SEMA5A: variants seen among roughly 807,000 people sequenced by gnomAD.
SEMA5A encodes semaphorin 5A, also known as semaphorin-5A.
In SEMA5A, 55 loss-of-function variants were observed where a neutral mutation model predicts 135.5. The ratio of observed to expected loss-of-function variants is 0.41; its 90% CI spans 0.33 to 0.51. The LOEUF (loss-of-function observed/expected upper bound fraction) is 0.51, where lower values mean the gene tolerates loss of function less well. Ranked by LOEUF, SEMA5A falls within the 20% of genes least tolerant of loss-of-function variation. SEMA5A has a pLI of 0.37. For missense variants in SEMA5A, 1,290 were observed against 1,419.9 expected, an observed-to-expected ratio of 0.91 and a Z score of 1.47; for synonymous variants, 580 against 546.5, an observed-to-expected ratio of 1.06 and a Z score of -0.85.
At chr5:9,077,368 T>G (rs1458668827) in intron 16 of SEMA5A, among the ~76,000 whole-genome samples, 1 of 151,826 alleles carries the variant, frequency 6.6e-6, no homozygotes, top group Admixed American at 6.6e-5. Flanking sequence ...TGGGGAGAGG[T>G]TAATGATTTA....
intron 1 of SEMA5A, among the ~76,000 whole-genome samples, chr5:9,477,522 C>T (rs1043624547): frequency 6.6e-6 from 1 of 152,144 alleles, no homozygotes; most frequent in African/African-American, 2.4e-5. Context: ...GAGGTGCTCT[C>T]AGATGGAGAT....
chr5:9,186,098 C>G (rs1744794530), intron 11 of SEMA5A, among the ~76,000 whole-genome samples: 1 of 152,330 alleles, frequency 6.6e-6, no homozygotes, highest in African/African-American at 2.4e-5. Flanking sequence ...AAATATTCTA[C>G]CATTTCCACT....
intron 3 of SEMA5A, among the ~76,000 whole-genome samples, chr5:9,373,620 T>C (rs1561196877): frequency 6.6e-6 from 1 of 151,786 alleles, no homozygotes; most frequent in Admixed American, 6.6e-5. Flanking sequence ...CATTAAGGAG[T>C]TAAAGATAAA....
At chr5:9,405,247 C>G (rs766268990) in intron 2 of SEMA5A, among the ~76,000 whole-genome samples, 1 of 152,158 alleles carries the variant, frequency 6.6e-6, no homozygotes, top group African/African-American at 2.4e-5. Flanking sequence ...AACAGACTCC[C>G]CAGAGATTCA....
intron 5 of SEMA5A, among the ~76,000 whole-genome samples, 187 bp downstream of exon 5, chr5:9,318,185 C>A (rs1752472436): frequency 1.3e-5 from 2 of 152,174 alleles, no homozygotes. Flanking sequence ...AAAGGCTAAT[C>A]AGGAATTAAG....
intron 18 of SEMA5A, among the ~76,000 whole-genome samples, chr5:9,062,078 T>A (rs188707137): frequency 6.6e-6 from 1 of 152,126 alleles, no homozygotes; most frequent in Non-Finnish European, 1.5e-5. Context: ...GGCTTTTCCA[T>A]CAGGCACAAC....
chr5:9,366,099 G>A (rs895595486), intron 3 of SEMA5A, among the ~76,000 whole-genome samples: 1 of 152,128 alleles, frequency 6.6e-6, no homozygotes, highest in Non-Finnish European at 1.5e-5. Flanking sequence ...GTGAGCTTTC[G>A]GGGTAAGGGT....
At chr5:9,402,722 C>T (rs1372011879) in intron 2 of SEMA5A, among the ~76,000 whole-genome samples, 1 of 152,212 alleles carries the variant, frequency 6.6e-6, no homozygotes, top group Non-Finnish European at 1.5e-5. Flanking sequence ...TCTCATCCTG[C>T]TTTTAATGTT....
At chr5:9,456,742 GA>G (rs926461820) in intron 1 of SEMA5A, among the ~76,000 whole-genome samples, 1 of 152,122 alleles carries the variant, frequency 6.6e-6, no homozygotes, top group Non-Finnish European at 1.5e-5. Context: ...GGCAAGGGGG[GA>G]AAAACAGCAC....
intron 16 of SEMA5A, among the ~76,000 whole-genome samples, chr5:9,092,607 T>C (rs1739095828): frequency 1.3e-5 from 2 of 152,226 alleles, no homozygotes; most frequent in Admixed American, 6.5e-5. Context: ...TTTAAGAATA[T>C]GAACAGGAAA....
intron 16 of SEMA5A, among the ~76,000 whole-genome samples, chr5:9,103,308 C>T (rs775210749): frequency 2.3e-4 from 35 of 152,272 alleles, no homozygotes; most frequent in Non-Finnish European, 4.9e-4. Flanking sequence ...TTTGTAATGC[C>T]TGTCATTATT....
At chr5:9,257,398 C>G (rs1406241795) in intron 5 of SEMA5A, among the ~76,000 whole-genome samples, 1 of 151,834 alleles carries the variant, frequency 6.6e-6, no homozygotes. Flanking sequence ...CACAACTATT[C>G]TAAGTGGAAA....
intron 2 of SEMA5A, among the ~76,000 whole-genome samples, chr5:9,411,142 G>T (rs1209013758): frequency 6.6e-6 from 1 of 152,148 alleles, no homozygotes; most frequent in Non-Finnish European, 1.5e-5. Context: ...CCAGGCAAAA[G>T]AAACAGGGTC....
chr5:9,535,728 G>A (rs1005419284), intron 1 of SEMA5A, among the ~76,000 whole-genome samples: 4 of 151,988 alleles, frequency 2.6e-5, no homozygotes, highest in African/African-American at 9.7e-5. Context: ...AAAAGAGGGG[G>A]GCCTTTAAGA....
At chr5:9,379,689 T>G (rs928425072) in intron 3 of SEMA5A, 134 bp downstream of exon 3, 7 of 1,132,444 alleles carry the variant, frequency 6.2e-6, no homozygotes, top group South Asian at 1.8e-5. Context: ...TAGTTTTACC[T>G]TTATTTTAAA....
At position 9,039,756 on chromosome 5, in the gene SEMA5A, AATTCACTAAGTCCATATC is replaced by A. The variant is rs1270103805; in HGVS notation, c.*3123_*3140del. The A allele has an allele frequency of 1.3e-5, 2 of 152,228 alleles. No homozygotes were observed. Among genetic ancestry groups the A allele is most frequent in the Non-Finnish European group, 2.9e-5 (2 of 68,104 alleles). 9.4% of individuals were successfully genotyped at this position (152,228 alleles called of 1,614,324 possible). A position where few individuals can be genotyped will look rare whatever the true frequency, so the allele number is the denominator to read the frequency against. On this transcript the variant is annotated 3_prime_UTR_variant, in exon 23 of 23. Transcript: ENST00000382496. Reference sequence around the variant, plus strand: ...ACCACGTGCCCCCTGAGTTCCTTAGAATTCACTAAGTCCATATCATTCAGAGGTTACAAAACCCCAGTT... The same window carrying A: ...ACCACGTGCCCCCTGAGTTCCTTAGAATTCAGAGGTTACAAAACCCCAGTT...
At chr5:9,053,964 G>T in intron 19 of SEMA5A, 123 bp downstream of exon 19, 1 of 1,069,680 alleles carries the variant, frequency 9.3e-7, no homozygotes, top group African/African-American at 1.6e-5. Context: ...ATAGCATGTT[G>T]CTAACTTGCC....
chr5:9,127,261 G>A (rs1741166946), intron 13 of SEMA5A, among the ~76,000 whole-genome samples: 1 of 152,212 alleles, frequency 6.6e-6, no homozygotes, highest in Non-Finnish European at 1.5e-5. Context: ...AGGTTGGGAT[G>A]CTATGGAGGT....
intron 1 of SEMA5A, among the ~76,000 whole-genome samples, chr5:9,542,042 T>G (rs550988471): frequency 6.6e-6 from 1 of 152,366 alleles, no homozygotes; most frequent in East Asian, 1.9e-4. Context: ...TTTATGTATA[T>G]TCTAGCTTAC....
Sources: gnomAD v4.1 joint callset for allele counts (sites outside exome capture counted in the v4.1 genomes callset) on GRCh38, gnomAD v4.1.1 for gene constraint, MANE v1.5 for transcripts, NCBI Gene and HGNC (gene_info 2026-07-23, HGNC 2026-07-21) for gene names.